CLDN14: variants seen among roughly 807,000 people sequenced by gnomAD.
The protein encoded by CLDN14 is claudin-14.
A neutral mutation model predicts 2.1 loss-of-function variants in CLDN14; 2 were observed. The ratio of observed to expected loss-of-function variants is 0.96; its 90% CI spans 0.39 to 3.01. The LOEUF is 3.01. CLDN14 is among the 30% of genes most tolerant of loss of function. CLDN14 has a pLI of 0.09. For missense variants in CLDN14, 298 were observed against 328.0 expected (o/e 0.91, Z 0.71); for synonymous variants, 136 against 154.4 (o/e 0.88, Z 0.88).
chr21:36,491,685 G>A (rs2086966224), intron 2 of CLDN14, among the ~76,000 whole-genome samples: 2 of 152,188 alleles, frequency 1.3e-5, no homozygotes, highest in Non-Finnish European at 2.9e-5. Flanking sequence ...GTGGGGCTGT[G>A]TCAGGAAAGT....
intron 2 of CLDN14, among the ~76,000 whole-genome samples, chr21:36,509,385 C>T (rs2087164736): frequency 6.6e-6 from 1 of 152,078 alleles, no homozygotes; most frequent in African/African-American, 2.4e-5. Context: ...GTGTTGGCTG[C>T]AGGGAAGAAG....
intron 1 of CLDN14, among the ~76,000 whole-genome samples, chr21:36,563,359 C>T (rs183464134): frequency 1.0e-3 from 152 of 152,110 alleles, no homozygotes; most frequent in Non-Finnish European, 1.8e-3. Context: ...GATATGTTGG[C>T]CTGGTTTCCT....
chr21:36,468,258 C>G (rs967964409), intron 1 of CLDN14, among the ~76,000 whole-genome samples: 17 of 152,154 alleles, frequency 1.1e-4, no homozygotes, highest in African/African-American at 4.1e-4. Context: ...ACCAAATGGC[C>G]TCTTCATTAC....
chr21:36,527,014 G>A (rs2146498103), intron 1 of CLDN14, among the ~76,000 whole-genome samples: 1 of 152,290 alleles, frequency 6.6e-6, no homozygotes, highest in East Asian at 1.9e-4. Flanking sequence ...TTTTATTATT[G>A]TCATTTTCAA....
At position 36,499,715 on chromosome 21, in the gene CLDN14, G is replaced by A. The variant is rs1355118242; in HGVS notation, c.-82+10648C>T. On this transcript the variant is annotated intron_variant, in intron 2 of 2. Transcript: ENST00000342108. The surrounding 1 kb of genome is among the most constrained non-coding windows in gnomAD (Gnocchi z 4.7). Reference sequence around the variant, plus strand: ...TTTAGACACGCAGACAATAAATACTGATTCTTGGACTACAGAGCCAAAGAC... The same window carrying A: ...TTTAGACACGCAGACAATAAATACTAATTCTTGGACTACAGAGCCAAAGAC... Among the ~76,000 whole-genome samples the A allele has an allele frequency of 6.6e-6, 1 of 152,158 alleles. No individual in the cohort carries two copies. Among genetic ancestry groups the A allele is most frequent in the Non-Finnish European group, 1.5e-5 (1 of 68,030 alleles).
At chr21:36,563,022 T>C (rs2087647310) in intron 1 of CLDN14, among the ~76,000 whole-genome samples, 1 of 152,226 alleles carries the variant, frequency 6.6e-6, no homozygotes, top group Non-Finnish European at 1.5e-5. Flanking sequence ...AAATGCAGAA[T>C]GAAATGTTAT....
chr21:36,544,122 C>T lies in CLDN14; in HGVS notation c.-220+32289G>A, dbSNP rs2087511346. On this transcript the variant is annotated intron_variant, in intron 1 of 2. Transcript: ENST00000342108. This position sits in a 1 kb window ranked among gnomAD's most constrained non-coding sequence, Gnocchi z 4.1. ...GTGACACCCAGGAACCCAGAAGCCACACCAGCCCTTGGCTCCCTCCAACCC... is the reference window on the plus strand; with the variant it reads ...GTGACACCCAGGAACCCAGAAGCCATACCAGCCCTTGGCTCCCTCCAACCC... Among the ~76,000 whole-genome samples, 1 of 152,258 alleles carries T rather than the reference C, an allele frequency of 6.6e-6. No individual in the cohort carries two copies. Among genetic ancestry groups the T allele is most frequent in the East Asian group, 1.9e-4 (1 of 5,192 alleles).
chr21:36,475,605 C>T (rs1462745814), intron 1 of CLDN14, among the ~76,000 whole-genome samples: 2 of 152,184 alleles, frequency 1.3e-5, no homozygotes, highest in East Asian at 1.9e-4. Context: ...GGCTGGAGTG[C>T]AGTGGCACAA....
rs2087427680 is a variant in CLDN14 at position 36,536,825 on chromosome 21, A to G, written c.-219-26325T>C. Among the ~76,000 whole-genome samples the G allele has an allele frequency of 3.9e-5, 6 of 152,348 alleles. 1 individual carries two copies. The highest frequency in any genetic ancestry group is 6.8e-3 in the Middle Eastern group (2 of 294). On this transcript the variant is annotated intron_variant, in intron 1 of 2. Coordinates refer to the CLDN14 transcript ENST00000342108. Reference sequence around the variant, plus strand: ...GATGTCAATAAACCTGCATGGCAACATATCTTGAGGAAATTGCCTATTGGC... The same window carrying G: ...GATGTCAATAAACCTGCATGGCAACGTATCTTGAGGAAATTGCCTATTGGC...
intron 1 of CLDN14, chr21:36,526,320 G>A (rs958689223): frequency 6.6e-6 from 1 of 152,208 alleles, no homozygotes; most frequent in African/African-American, 2.4e-5. Flanking sequence ...CAGGCAGCAG[G>A]GCAGGTTTGG....
chr21:36,561,012 TTA>T (rs2087630741), intron 1 of CLDN14, among the ~76,000 whole-genome samples: 1 of 152,002 alleles, frequency 6.6e-6, no homozygotes, highest in African/African-American at 2.4e-5. Flanking sequence ...AAACATAATC[TTA>T]TATTTTTTAT....
intron 1 of CLDN14, among the ~76,000 whole-genome samples, chr21:36,537,056 G>A (rs894779288): frequency 2.0e-5 from 3 of 152,206 alleles, no homozygotes; most frequent in Non-Finnish European, 4.4e-5. Flanking sequence ...TGGGTGTGGT[G>A]GCGCATGCCT....
intron 1 of CLDN14, among the ~76,000 whole-genome samples, chr21:36,550,648 A>G (rs547011964): frequency 1.7e-4 from 26 of 152,014 alleles, no homozygotes; most frequent in Non-Finnish European, 3.1e-4. Context: ...CCCAGTTCCC[A>G]TCTTAGGTCC....
chr21:36,470,293 C>T (rs577999519), intron 1 of CLDN14, among the ~76,000 whole-genome samples: 53 of 152,210 alleles, frequency 3.5e-4, no homozygotes, highest in Admixed American at 1.7e-3. Context: ...TAAGGTCATA[C>T]GTAAAATAGA....
chr21:36,473,621 G>C (rs1253084835), intron 1 of CLDN14, among the ~76,000 whole-genome samples: 2 of 152,186 alleles, frequency 1.3e-5, no homozygotes, highest in African/African-American at 2.4e-5. Context: ...GTAAGTGCAG[G>C]GTTCAGGGAG....
intron 1 of CLDN14, among the ~76,000 whole-genome samples, chr21:36,571,796 G>T (rs922951594): frequency 6.6e-6 from 1 of 152,110 alleles, no homozygotes; most frequent in African/African-American, 2.4e-5. Context: ...TGCTGGTACC[G>T]GTAAGTGACA....
intron 1 of CLDN14, among the ~76,000 whole-genome samples, chr21:36,541,894 C>A (rs1421560073): frequency 2.5e-4 from 2 of 8,156 alleles, no homozygotes; most frequent in Non-Finnish European, 1.0e-3. Context: ...TCTTTTGTTA[C>A]CCCCCCCCAA....
At chr21:36,483,297 C>T (rs536783312), upstream of CLDN14, among the ~76,000 whole-genome samples, 8 of 152,348 alleles carry the variant, frequency 5.3e-5, no homozygotes, top group South Asian at 1.4e-3. Flanking sequence ...TTCAGGAGGC[C>T]CTGAGGAGCG....
chr21:36,479,210 G>A (rs1457800415), intron 1 of CLDN14, among the ~76,000 whole-genome samples: 33 of 152,164 alleles, frequency 2.2e-4, no homozygotes, highest in Non-Finnish European at 1.0e-4. Flanking sequence ...CCTGGTAAGC[G>A]ATGAAAAGAG....
Sources: allele counts gnomAD v4.1 joint callset (sites outside exome capture counted in the v4.1 genomes callset), GRCh38; gene constraint gnomAD v4.1.1; non-coding constraint Gnocchi (gnomAD v3.1); transcripts MANE v1.5; gene names NCBI Gene and HGNC (gene_info 2026-07-23, HGNC 2026-07-21).